The following RABGAP1L variants were observed in gnomAD, a reference collection of about 807,000 sequenced individuals.
RABGAP1L encodes the protein rab GTPase-activating protein 1-like.
In RABGAP1L, 63 loss-of-function variants were observed where a neutral mutation model predicts 137.7. That is an observed-to-expected ratio of 0.46 (90% CI 0.37 to 0.56). The LOEUF (loss-of-function observed/expected upper bound fraction) is 0.56, where lower values mean the gene tolerates loss of function less well. Ranked by LOEUF, RABGAP1L falls within the 20% of genes least tolerant of loss-of-function variation. The pLI, the probability that RABGAP1L is intolerant of heterozygous loss-of-function variation, is 0.00. For missense variants in RABGAP1L, 1,095 were observed against 1,244.0 expected, an observed-to-expected ratio of 0.88 and a Z score of 1.80; for synonymous variants, 431 against 433.7, an observed-to-expected ratio of 0.99 and a Z score of 0.08.
At chr1:174,967,668 G>A (rs1669757961) in intron 20 of RABGAP1L, among the ~76,000 whole-genome samples, 1 of 151,656 alleles carries the variant, frequency 6.6e-6, no homozygotes, top group Admixed American at 6.6e-5. Flanking sequence ...AAATTTTTTT[G>A]TAGAGATGGG....
intron 13 of RABGAP1L, among the ~76,000 whole-genome samples, chr1:174,397,317 C>T (rs768559885): frequency 3.9e-5 from 6 of 152,192 alleles, no homozygotes; most frequent in Non-Finnish European, 8.8e-5. Flanking sequence ...TTTTCTCTGG[C>T]AGTGTGGTTG....
intron 19 of RABGAP1L, among the ~76,000 whole-genome samples, chr1:174,912,845 A>G (rs920352778): frequency 2.6e-5 from 4 of 152,248 alleles, no homozygotes; most frequent in African/African-American, 9.6e-5. Context: ...AAGCAGCACC[A>G]GTAACCAGAG....
chr1:174,855,853 A>G (rs2149001991), intron 19 of RABGAP1L, among the ~76,000 whole-genome samples: 1 of 152,338 alleles, frequency 6.6e-6, no homozygotes, highest in East Asian at 1.9e-4. Context: ...TTACAGAAAT[A>G]TGAGTTCTTG....
chr1:174,426,947 T>C (rs1221401839), intron 13 of RABGAP1L, among the ~76,000 whole-genome samples: 3 of 152,062 alleles, frequency 2.0e-5, no homozygotes, highest in African/African-American at 7.2e-5. Context: ...CATAACAATA[T>C]GTAATATGGG....
chr1:174,756,469 ATT>A (rs983539714), intron 18 of RABGAP1L, among the ~76,000 whole-genome samples: 2 of 150,586 alleles, frequency 1.3e-5, no homozygotes, highest in Non-Finnish European at 1.5e-5. Context: ...ATATATATAT[ATT>A]TTTTTTTGAA....
At chr1:174,439,790 C>T (rs765336015) in intron 13 of RABGAP1L, among the ~76,000 whole-genome samples, 1 of 152,158 alleles carries the variant, frequency 6.6e-6, no homozygotes, top group Non-Finnish European at 1.5e-5. Flanking sequence ...TTATGTTAAA[C>T]ACTTATTTGT....
intron 10 of RABGAP1L, among the ~76,000 whole-genome samples, chr1:174,288,012 A>G (rs569270567): frequency 6.6e-6 from 1 of 152,074 alleles, no homozygotes; most frequent in African/African-American, 2.4e-5. Context: ...TTTGCTTTGT[A>G]ATTACCATGA....
chr1:174,183,866 G>GC (rs1666583916), intron 1 of RABGAP1L, among the ~76,000 whole-genome samples: 1 of 127,578 alleles, frequency 7.8e-6, no homozygotes, highest in Non-Finnish European at 1.7e-5. Flanking sequence ...TTTCAGATTG[G>GC]CTTTTTTTTT....
chr1:174,776,994 A>G (rs1408993023), intron 18 of RABGAP1L, among the ~76,000 whole-genome samples: 1 of 152,204 alleles, frequency 6.6e-6, no homozygotes, highest in African/African-American at 2.4e-5. Context: ...CCAAGTTATC[A>G]AAGGCAGTAG....
At chr1:174,837,409 A>G (rs1044571760) in intron 19 of RABGAP1L, among the ~76,000 whole-genome samples, 2 of 152,208 alleles carry the variant, frequency 1.3e-5, no homozygotes, top group Admixed American at 1.3e-4. Flanking sequence ...TGATGAATGT[A>G]TCTTCTACTT....
At chr1:174,798,406 C>CA (rs559223351) in intron 18 of RABGAP1L, among the ~76,000 whole-genome samples, 2,779 of 124,948 alleles carry the variant, frequency 0.022, 29 homozygotes, top group South Asian at 0.03. Context: ...CCGTTTCAAA[C>CA]AAAAAAAAAA....
intron 13 of RABGAP1L, among the ~76,000 whole-genome samples, chr1:174,612,533 T>A (rs565830077): frequency 0.023 from 3,435 of 152,298 alleles, 62 homozygotes; most frequent in Middle Eastern, 0.085. Flanking sequence ...TGGTTGTGTC[T>A]CTGCCCGGCT....
chr1:174,788,056 C>T (rs1169358736), intron 18 of RABGAP1L, among the ~76,000 whole-genome samples: 1 of 152,192 alleles, frequency 6.6e-6, no homozygotes, highest in Admixed American at 6.5e-5. Context: ...GCTTACTAGA[C>T]CTTACATGTT....
intron 13 of RABGAP1L, among the ~76,000 whole-genome samples, chr1:174,524,249 A>ATATTC (rs1361778956): frequency 6.6e-6 from 1 of 151,518 alleles, no homozygotes; most frequent in Non-Finnish European, 1.5e-5. Context: ...TAGTGGTTGT[A>ATATTC]CTGATTTATA....
intron 19 of RABGAP1L, among the ~76,000 whole-genome samples, chr1:174,836,277 T>G (rs1203247078): frequency 6.6e-6 from 1 of 152,228 alleles, no homozygotes; most frequent in Non-Finnish European, 1.5e-5. Flanking sequence ...CTAAGATGTT[T>G]GAGGTATGAG....
chr1:174,735,915 C>T (rs1682905171), intron 17 of RABGAP1L, among the ~76,000 whole-genome samples: 1 of 152,156 alleles, frequency 6.6e-6, no homozygotes, highest in South Asian at 2.1e-4. Flanking sequence ...GAGGGATACA[C>T]CTCCATGATC....
intron 11 of RABGAP1L, among the ~76,000 whole-genome samples, chr1:174,316,285 T>C (rs954761371): frequency 1.3e-5 from 2 of 152,226 alleles, no homozygotes; most frequent in African/African-American, 4.8e-5. Flanking sequence ...TCCTGGATGG[T>C]GTTGATGCTA....
At chr1:174,573,362 A>G (rs1668137133) in intron 13 of RABGAP1L, among the ~76,000 whole-genome samples, 1 of 151,914 alleles carries the variant, frequency 6.6e-6, no homozygotes, top group Admixed American at 6.6e-5. Context: ...TTCCAGTGTC[A>G]AGAGACCATT....
At chr1:174,488,368 C>T (rs1458730900) in intron 13 of RABGAP1L, among the ~76,000 whole-genome samples, 1 of 151,908 alleles carries the variant, frequency 6.6e-6, no homozygotes, top group African/African-American at 2.4e-5. Flanking sequence ...TGTCTCCTGG[C>T]CCATAAGGTT....
Sources: allele counts gnomAD v4.1 joint callset (sites outside exome capture counted in the v4.1 genomes callset), GRCh38; gene constraint gnomAD v4.1.1; transcripts MANE v1.5; gene names NCBI Gene and HGNC (gene_info 2026-07-23, HGNC 2026-07-21).